MYRIP: variants seen among roughly 807,000 people sequenced by gnomAD.
The protein encoded by MYRIP is myosin VIIA and Rab interacting protein.
MYRIP carries 49 observed loss-of-function variants against 98.0 expected under a neutral mutation model. The ratio of observed to expected loss-of-function variants is 0.50; its 90% CI spans 0.40 to 0.63. The LOEUF (loss-of-function observed/expected upper bound fraction) is 0.63, where lower values mean the gene tolerates loss of function less well. Ranked by LOEUF, MYRIP falls within the 30% of genes least tolerant of loss-of-function variation. The pLI, the probability that MYRIP is intolerant of heterozygous loss-of-function variation, is 0.00. For missense variants in MYRIP, 1,004 were observed against 1,058.2 expected (o/e 0.95, Z 0.71); for synonymous variants, 404 against 409.5 (o/e 0.99, Z 0.16).
chr3:39,833,146 A>G (rs191762842), intron 1 of MYRIP, among the ~76,000 whole-genome samples: 314 of 152,324 alleles, frequency 2.1e-3, no homozygotes, highest in Non-Finnish European at 3.6e-3. Context: ...GTATAATAGG[A>G]TGATAACAAC....
chr3:40,140,715 TA>T (rs1949874426), intron 3 of MYRIP, among the ~76,000 whole-genome samples: 1 of 152,194 alleles, frequency 6.6e-6, no homozygotes, highest in Non-Finnish European at 1.5e-5. Context: ...TAATGATTAG[TA>T]ATTTGAACAT....
chr3:39,992,556 T>C (rs1238576067), intron 2 of MYRIP, among the ~76,000 whole-genome samples: 1 of 152,228 alleles, frequency 6.6e-6, no homozygotes, highest in African/African-American at 2.4e-5. Flanking sequence ...CTGAATGTAC[T>C]ACCGACCATG....
intron 2 of MYRIP, among the ~76,000 whole-genome samples, chr3:39,986,389 G>GTCTCTCTCTT (rs202042606): frequency 0.027 from 4,106 of 151,054 alleles, 193 homozygotes; most frequent in African/African-American, 0.094. Context: ...ATTTCTCTCT[G>GTCTCTCTCTT]TCTCTCTCTT....
intron 3 of MYRIP, among the ~76,000 whole-genome samples, chr3:40,098,781 T>TG (rs1182568507): frequency 4.0e-5 from 6 of 150,628 alleles, no homozygotes; most frequent in East Asian, 1.9e-4. Flanking sequence ...TGTGTGTGTC[T>TG]TCTTACAGAT....
At chr3:39,878,423 A>G (rs577961963) in intron 1 of MYRIP, among the ~76,000 whole-genome samples, 1 of 152,078 alleles carries the variant, frequency 6.6e-6, no homozygotes, top group South Asian at 2.1e-4. Flanking sequence ...TGCAGAAATC[A>G]CCCATCTTCT....
intron 3 of MYRIP, among the ~76,000 whole-genome samples, chr3:40,083,687 C>A (rs558312237): frequency 2.6e-5 from 4 of 152,080 alleles, no homozygotes; most frequent in African/African-American, 9.6e-5. Context: ...GCATTACTTA[C>A]AGGGAAAGAT....
chr3:40,092,248 G>A (rs1948747400), intron 3 of MYRIP, among the ~76,000 whole-genome samples: 1 of 152,142 alleles, frequency 6.6e-6, no homozygotes. Context: ...TAGAGTTTTT[G>A]CTGCTTGTTC....
Position 40,209,982 on chromosome 3 carries a change from G to T in MYRIP, c.1794G>T (p.Glu598Asp). The change falls in exon 11 of 17, where the codon GAG becomes GAT. Residue 598 changes from glutamate (E) to aspartate (D), a missense_variant. Glu to Asp is a conservative substitution (Grantham distance 45, BLOSUM62 2). Coordinates refer to ENST00000302541, the MANE Select transcript of MYRIP (RefSeq NM_015460.4). The stretch of plus-strand genomic sequence containing the variant: ...TAGCAATGAAAATGAGTGAAAAGGA[G>T]ACTTCTTCAGGGGAGGATCAGGAGT... ...YELAMKMSEK[E>D]TSSGEDQESE... The T allele has an allele frequency of 2.5e-6, 4 of 1,614,094 alleles. No homozygotes were observed. Among genetic ancestry groups the T allele is most frequent in the Non-Finnish European group, 3.4e-6 (4 of 1,179,970 alleles).
chr3:40,133,954 G>A (rs1949703215), intron 3 of MYRIP, among the ~76,000 whole-genome samples: 1 of 152,204 alleles, frequency 6.6e-6, no homozygotes, highest in Admixed American at 6.5e-5. Flanking sequence ...CCCAGCATGA[G>A]CGATGCAAAA....
Position 40,212,179 on chromosome 3 carries a change from CGTGTATGT to C in MYRIP, c.1905+2089_1905+2096del, listed in dbSNP as rs1559456654. 2.6e-3 allele frequency among the ~76,000 whole-genome samples: 13 copies of C among 5,062 alleles called. 2 individuals carry two copies. The highest frequency in any genetic ancestry group is 6.1e-3 in the Admixed American group (2 of 326). 3.3% of individuals were successfully genotyped at this position (5,062 alleles called of 152,430 possible). Reference sequence around the variant, plus strand: ...GTGTATATATATATACATATATATACGTGTATGTGTATATACATATATATACGTGTGTG... The same window carrying C: ...GTGTATATATATATACATATATATACGTATATACATATATATACGTGTGTG... On this transcript the variant is annotated intron_variant, in intron 11 of 16. Coordinates refer to ENST00000302541, the MANE Select transcript of MYRIP (RefSeq NM_015460.4).
intron 2 of MYRIP, among the ~76,000 whole-genome samples, chr3:40,000,787 C>T (rs539290466): frequency 6.6e-5 from 10 of 152,142 alleles, no homozygotes; most frequent in African/African-American, 2.4e-4. Flanking sequence ...CCCTGGGAAG[C>T]CCACAGCCAC....
At chr3:39,870,534 T>G (rs5006752) in intron 1 of MYRIP, among the ~76,000 whole-genome samples, 24,505 of 152,076 alleles carry the variant, frequency 0.16, 2,012 homozygotes, top group Middle Eastern at 0.19. Context: ...TTCTTTTTTT[T>G]TGGGTTTTAC....
rs1949247715 is a variant in MYRIP at position 40,115,295 on chromosome 3, A to G, written c.333-35753A>G. Among the ~76,000 whole-genome samples, 6 of 152,230 alleles carry G rather than the reference A, an allele frequency of 3.9e-5. No homozygotes were observed. The South Asian group carries it at 1.2e-3, about 32-fold the overall frequency. On this transcript the variant is annotated intron_variant, in intron 3 of 16. Coordinates refer to ENST00000302541, the MANE Select transcript of MYRIP (RefSeq NM_015460.4). Reference sequence around the variant, plus strand: ...TATTAGTTCTCATGCTGCTATGAAGAAATACCTGAGACTGGGTAATTTATA... The same window carrying G: ...TATTAGTTCTCATGCTGCTATGAAGGAATACCTGAGACTGGGTAATTTATA...
Position 40,141,215 on chromosome 3 carries a change from C to A in MYRIP, c.333-9833C>A, listed in dbSNP as rs117602189. On this transcript the variant is annotated intron_variant, in intron 3 of 16. Transcript: ENST00000302541. ...TTTACAATGGAGTACTATTGTTCAG[C>A]CATAAAAAAGAATGAGATCCAGTCA... Among the ~76,000 whole-genome samples the A allele has an allele frequency of 2.0e-4, 30 of 152,198 alleles. No individual in the cohort carries two copies. In the East Asian group the frequency reaches 5.2e-3, roughly 26 times the overall value.
intron 2 of MYRIP, 48 bp downstream of exon 2, chr3:39,900,974 C>A: frequency 2.1e-6 from 3 of 1,416,312 alleles, no homozygotes; most frequent in African/African-American, 1.4e-5. Flanking sequence ...CACATGTGGA[C>A]AAGCGTAACA....
chr3:39,919,589 C>G (rs1944252834), intron 2 of MYRIP, among the ~76,000 whole-genome samples: 1 of 152,142 alleles, frequency 6.6e-6, no homozygotes, highest in Non-Finnish European at 1.5e-5. Flanking sequence ...GGTCTGGAAT[C>G]ACATCTAAGC....
At chr3:40,019,757 T>G (rs200988897) in intron 2 of MYRIP, among the ~76,000 whole-genome samples, 2 of 139,130 alleles carry the variant, frequency 1.4e-5, no homozygotes, top group Non-Finnish European at 1.5e-5. Flanking sequence ...TAAAATGTGT[T>G]TTTTTTTTAA....
intron 12 of MYRIP, among the ~76,000 whole-genome samples, chr3:40,235,512 G>A (rs553848160): frequency 3.3e-5 from 5 of 152,256 alleles, no homozygotes; most frequent in South Asian, 2.1e-4. Context: ...CTCTCATCCT[G>A]GAACAAGTAT....
intron 1 of MYRIP, among the ~76,000 whole-genome samples, chr3:39,894,060 A>T (rs1943548168): frequency 6.6e-6 from 1 of 152,242 alleles, no homozygotes; most frequent in Admixed American, 6.5e-5. Flanking sequence ...ACGAAATTTT[A>T]TCACTCAAAG....
Sources: gnomAD v4.1 joint callset for allele counts (sites outside exome capture counted in the v4.1 genomes callset) on GRCh38, gnomAD v4.1.1 for gene constraint, MANE v1.5 for transcripts, NCBI Gene and HGNC (gene_info 2026-07-23, HGNC 2026-07-21) for gene names.